The following ADGRL3 variants were observed in gnomAD, a reference collection of about 807,000 sequenced individuals.
ADGRL3 encodes calcium-independent alpha-latrotoxin receptor 3.
A neutral mutation model predicts 153.5 loss-of-function variants in ADGRL3; 62 were observed. That is an observed-to-expected ratio of 0.40 (90% CI 0.33 to 0.50). ADGRL3 has a LOEUF of 0.50. ADGRL3 is among the 20% of genes least tolerant of loss of function. The pLI, the probability that ADGRL3 is intolerant of heterozygous loss-of-function variation, is 0.47. For missense variants in ADGRL3, 1,641 were observed against 1,859.4 expected (o/e 0.88, Z 2.16); for synonymous variants, 710 against 672.5 (o/e 1.06, Z -0.86).
intron 11 of ADGRL3, among the ~76,000 whole-genome samples, chr4:61,901,051 C>T (rs1416468920): frequency 1.3e-5 from 2 of 152,066 alleles, no homozygotes; most frequent in African/African-American, 4.8e-5. Context: ...TAATTTCACC[C>T]GTCTTTTTTC....
intron 4 of ADGRL3, among the ~76,000 whole-genome samples, chr4:61,547,855 A>G (rs2098721219): frequency 6.6e-6 from 1 of 152,054 alleles, no homozygotes; most frequent in South Asian, 2.1e-4. Flanking sequence ...GGCTGAATAA[A>G]TTTACATTTC....
intron 1 of ADGRL3, among the ~76,000 whole-genome samples, chr4:61,357,847 AAAAT>A (rs1453828542): frequency 1.3e-5 from 2 of 152,192 alleles, no homozygotes; most frequent in African/African-American, 4.8e-5. Flanking sequence ...AAAAAAATCT[AAAAT>A]AAATCACAAG....
At chr4:61,726,210 G>GTTTTTTTTGTTTTTTTTTTTTTTTT (rs149472429) in intron 6 of ADGRL3, among the ~76,000 whole-genome samples, 1 of 118,480 alleles carries the variant, frequency 8.4e-6, no homozygotes, top group African/African-American at 3.2e-5. Context: ...TTTTTTTTTT[G>GTTTTTTTTGTTTTTTTTTTTTTTTT]TTTTTTGAGA....
chr4:61,367,988 G>A (rs1489609448), intron 1 of ADGRL3, among the ~76,000 whole-genome samples: 1 of 151,566 alleles, frequency 6.6e-6, no homozygotes, highest in Non-Finnish European at 1.5e-5. Flanking sequence ...CTGATGGCCA[G>A]TGATGGTGAG....
At chr4:61,759,221 C>T (rs969727721) in intron 8 of ADGRL3, among the ~76,000 whole-genome samples, 3 of 152,088 alleles carry the variant, frequency 2.0e-5, no homozygotes, top group East Asian at 1.9e-4. Flanking sequence ...GTTGGCCTGC[C>T]GTGCTAGGTT....
intron 21 of ADGRL3, among the ~76,000 whole-genome samples, chr4:62,003,901 G>A (rs1253384405): frequency 6.6e-6 from 1 of 152,086 alleles, no homozygotes; most frequent in Non-Finnish European, 1.5e-5. Context: ...AGTATCCTCA[G>A]TGAGCTTGGA....
intron 17 of ADGRL3, among the ~76,000 whole-genome samples, chr4:61,965,646 G>T (rs754371358): frequency 6.6e-6 from 1 of 152,052 alleles, no homozygotes; most frequent in Non-Finnish European, 1.5e-5. Context: ...AGCTACTCGG[G>T]AGGCTGAGTC....
chr4:61,921,276 G>C (rs1335705308), intron 13 of ADGRL3, among the ~76,000 whole-genome samples: 1 of 151,970 alleles, frequency 6.6e-6, no homozygotes, highest in African/African-American at 2.4e-5. Flanking sequence ...CCTCCCACTA[G>C]AACCTCTGCA....
chr4:61,910,445 A>G (rs2098716974), intron 12 of ADGRL3, among the ~76,000 whole-genome samples: 2 of 109,948 alleles, frequency 1.8e-5, no homozygotes, highest in Admixed American at 1.1e-4. Context: ...TAAATGAAAT[A>G]GGCATTTAGT....
chr4:61,222,921 A>G (rs923397600), intron 1 of ADGRL3, among the ~76,000 whole-genome samples: 1 of 152,196 alleles, frequency 6.6e-6, no homozygotes. Context: ...AATGTATGGA[A>G]CGTTTGTAGG....
intron 1 of ADGRL3, among the ~76,000 whole-genome samples, chr4:61,317,488 C>T (rs561586819): frequency 1.9e-4 from 29 of 152,214 alleles, no homozygotes; most frequent in African/African-American, 7.0e-4. Context: ...AAGGGTTTTA[C>T]AGGAGAGCTG....
chr4:61,740,703 G>A (rs1230086001), intron 8 of ADGRL3, among the ~76,000 whole-genome samples: 1 of 152,180 alleles, frequency 6.6e-6, no homozygotes, highest in Non-Finnish European at 1.5e-5. Flanking sequence ...AAATTAGTAT[G>A]TCTAACAGAT....
chr4:61,813,692 T>C lies in ADGRL3; in HGVS notation c.1400-117T>C, dbSNP rs975028026. On this transcript the variant is annotated intron_variant, in intron 8 of 26. Coordinates refer to ENST00000683033, the MANE Select transcript of ADGRL3 (RefSeq NM_001387552.1). ...TATGTTTGGGCAGATATGTCTACTC[T>C]TTAATTTAGGCTATTAATTCAGTTT... is the stretch of plus-strand genomic sequence containing the variant. 5.7e-6 allele frequency: 7 copies of C among 1,226,494 alleles called. No individual in the cohort carries two copies. The Admixed American group carries it at 6.9e-5, about 12-fold the overall frequency. The allele number at this position is 1,226,494 out of a possible 1,614,324, so 76.0% of individuals were successfully genotyped here. A position where few individuals can be genotyped will look rare whatever the true frequency, so the allele number is the denominator to read the frequency against.
chr4:61,651,665 T>G (rs1246851290), intron 5 of ADGRL3, among the ~76,000 whole-genome samples: 1 of 151,992 alleles, frequency 6.6e-6, no homozygotes, highest in Non-Finnish European at 1.5e-5. Context: ...TGGAGTGCAG[T>G]GGCGTGATCT....
At chr4:61,389,083 GC>G (rs1175803743) in intron 2 of ADGRL3, among the ~76,000 whole-genome samples, 1 of 151,922 alleles carries the variant, frequency 6.6e-6, no homozygotes, top group Non-Finnish European at 1.5e-5. Flanking sequence ...CATTGGCTTT[GC>G]TCATGGATTT....
intron 2 of ADGRL3, among the ~76,000 whole-genome samples, chr4:61,390,563 A>G (rs894427143): frequency 2.0e-5 from 3 of 152,242 alleles, no homozygotes; most frequent in Admixed American, 6.5e-5. Context: ...GGCAATATAC[A>G]TTTAAATTTT....
At chr4:61,711,990 A>G (rs1397774985) in intron 6 of ADGRL3, among the ~76,000 whole-genome samples, 1 of 150,196 alleles carries the variant, frequency 6.7e-6, no homozygotes, top group Admixed American at 6.8e-5. Context: ...ATCAGGGAAA[A>G]ACATGTTTGA....
At chr4:61,875,556 TAA>T (rs945198450) in intron 9 of ADGRL3, among the ~76,000 whole-genome samples, 16 of 152,216 alleles carry the variant, frequency 1.1e-4, no homozygotes, top group African/African-American at 3.6e-4. Flanking sequence ...GCTTATAATA[TAA>T]GTCAACTTAA....
rs563793419 is a variant in ADGRL3 at position 61,662,045 on chromosome 4, C to T, written c.474-14781C>T. Among the ~76,000 whole-genome samples, 15 of 152,342 alleles carry T rather than the reference C, an allele frequency of 9.8e-5. No homozygotes were observed. In the South Asian group the frequency reaches 3.1e-3, roughly 32 times the overall value. Reference sequence around the variant, plus strand: ...AGTGGTAGCCAATCTGGAGTGGCCACTGCCATAATGCCAGCTACAGTCGGG... The same window carrying T: ...AGTGGTAGCCAATCTGGAGTGGCCATTGCCATAATGCCAGCTACAGTCGGG... On this transcript the variant is annotated intron_variant, in intron 5 of 26. Coordinates refer to ENST00000683033, the MANE Select transcript of ADGRL3 (RefSeq NM_001387552.1).
Sources: gnomAD v4.1 joint callset for allele counts (sites outside exome capture counted in the v4.1 genomes callset) on GRCh38, gnomAD v4.1.1 for gene constraint, MANE v1.5 for transcripts, NCBI Gene and HGNC (gene_info 2026-07-23, HGNC 2026-07-21) for gene names.